Variants in BRINP3 observed in about 807,000 individuals in gnomAD.
The protein encoded by BRINP3 is BMP/retinoic acid-inducible neural-specific protein 3.
BRINP3 carries 19 observed loss-of-function variants against 71.0 expected under a neutral mutation model. That is an observed-to-expected ratio of 0.27 (90% CI 0.19 to 0.39). The LOEUF is 0.39. Ranked by LOEUF, BRINP3 falls within the 10% of genes least tolerant of loss-of-function variation. BRINP3 has a pLI of 1.00. For synonymous variants in BRINP3, 380 were observed against 337.7 expected, an observed-to-expected ratio of 1.13 and a Z score of -1.37; for missense variants, 959 against 940.8, an observed-to-expected ratio of 1.02 and a Z score of -0.25.
At chr1:190,131,548 C>A (rs1248369269) in intron 7 of BRINP3, among the ~76,000 whole-genome samples, 2 of 152,128 alleles carry the variant, frequency 1.3e-5, no homozygotes, top group East Asian at 3.9e-4. Flanking sequence ...CTCAATGTAT[C>A]TTTTATTTAT....
intron 2 of BRINP3, among the ~76,000 whole-genome samples, chr1:190,417,815 G>A (rs1297745510): frequency 2.0e-5 from 3 of 152,020 alleles, no homozygotes; most frequent in Non-Finnish European, 4.4e-5. Flanking sequence ...ATGATGAGAG[G>A]GAAGAAAGAA....
At chr1:190,264,110 A>G (rs1661436965) in intron 4 of BRINP3, among the ~76,000 whole-genome samples, 1 of 152,232 alleles carries the variant, frequency 6.6e-6, no homozygotes, top group Non-Finnish European at 1.5e-5. Flanking sequence ...AAATGAAATT[A>G]CATTGACCTA....
intron 2 of BRINP3, among the ~76,000 whole-genome samples, chr1:190,303,859 T>C (rs1306262594): frequency 6.6e-6 from 1 of 151,758 alleles, no homozygotes; most frequent in Non-Finnish European, 1.5e-5. Flanking sequence ...AATATTTTTA[T>C]TTTCCCCCTA....
intron 2 of BRINP3, among the ~76,000 whole-genome samples, chr1:190,358,680 A>G (rs1424105234): frequency 6.6e-6 from 1 of 152,184 alleles, no homozygotes; most frequent in African/African-American, 2.4e-5. Context: ...CCAAAGAATT[A>G]TAAATCATGC....
In BRINP3 at chr1:190,476,934, C is replaced by T. The variant is rs80129547; in HGVS notation, c.-51+514G>A. ...TGGCATTTTAGTGCTTAAGGTCTTG[C>T]TAAATTCATAAAAATACACTTTGCA... On this transcript the variant is annotated intron_variant, in intron 1 of 7. Transcript: ENST00000367462. 6.3e-4 allele frequency among the ~76,000 whole-genome samples: 96 copies of T among 152,316 alleles called. No individual in the cohort carries two copies. In the East Asian group the frequency reaches 0.011, roughly 17 times the overall value.
intron 2 of BRINP3, among the ~76,000 whole-genome samples, chr1:190,352,564 T>G (rs1312483984): frequency 6.6e-6 from 1 of 151,994 alleles, no homozygotes; most frequent in Non-Finnish European, 1.5e-5. Flanking sequence ...TTAATTGAAG[T>G]AAACATATCA....
intron 7 of BRINP3, among the ~76,000 whole-genome samples, chr1:190,139,228 G>A (rs1315566684): frequency 6.6e-6 from 1 of 151,540 alleles, no homozygotes; most frequent in Admixed American, 6.6e-5. Context: ...CGGGCAGATC[G>A]CTTGAGCCTA....
Position 190,444,089 on chromosome 1 carries a change from G to A in BRINP3, c.236+10566C>T, listed in dbSNP as rs186816573. Among the ~76,000 whole-genome samples, 658 of 150,516 alleles carry A rather than the reference G, an allele frequency of 4.4e-3. 8 individuals are homozygous for A. Among genetic ancestry groups the A allele is most frequent in the African/African-American group, 0.016 (628 of 40,138 alleles). ...CTCTACTAAAAGTACAAAATTAGCT[G>A]GGGGGTGGTGGCCCATGCCTGTAAT... On this transcript the variant is annotated intron_variant, in intron 2 of 7. Transcript: ENST00000367462.
chr1:190,385,989 C>A (rs1017683853), intron 2 of BRINP3, among the ~76,000 whole-genome samples: 1 of 146,692 alleles, frequency 6.8e-6, no homozygotes, highest in African/African-American at 2.5e-5. Flanking sequence ...GAACAAAAAA[C>A]CAAACACCGC....
intron 6 of BRINP3, among the ~76,000 whole-genome samples, chr1:190,218,198 A>G (rs1348447391): frequency 6.6e-6 from 1 of 151,948 alleles, no homozygotes; most frequent in Non-Finnish European, 1.5e-5. Flanking sequence ...CTCATCCATC[A>G]CATCAGCCCT....
chr1:190,387,946 T>C (rs183213187), intron 2 of BRINP3, among the ~76,000 whole-genome samples: 1 of 151,988 alleles, frequency 6.6e-6, no homozygotes. Flanking sequence ...ATTAAACTAT[T>C]GTGGTCAGAG....
chr1:190,446,199 T>C (rs1400025742), intron 2 of BRINP3, among the ~76,000 whole-genome samples: 2 of 152,094 alleles, frequency 1.3e-5, no homozygotes, highest in African/African-American at 4.8e-5. Flanking sequence ...AATTAAAACG[T>C]ATTATATGGT....
intron 3 of BRINP3, among the ~76,000 whole-genome samples, chr1:190,271,966 T>C (rs1249467152): frequency 6.6e-6 from 1 of 151,514 alleles, no homozygotes; most frequent in African/African-American, 2.4e-5. Flanking sequence ...TTTAGCATAG[T>C]CCTTATTGTA....
chr1:190,326,321 C>T lies in BRINP3; in HGVS notation c.237-44571G>A, dbSNP rs186648711. ...CCAAAGCAATGAATTATTGGCATTC[C>T]TGAGAGAGAAGGAGAAAAAGCATAT... On this transcript the variant is annotated intron_variant, in intron 2 of 7. Coordinates refer to ENST00000367462, the MANE Select transcript of BRINP3 (RefSeq NM_199051.3). Among the ~76,000 whole-genome samples the T allele has an allele frequency of 2.8e-3, 431 of 152,046 alleles. 2 individuals carry two copies. The highest frequency in any genetic ancestry group is 5.1e-3 in the Non-Finnish European group (349 of 67,954).
At chr1:190,150,847 C>T (rs1656327340) in intron 7 of BRINP3, among the ~76,000 whole-genome samples, 1 of 152,040 alleles carries the variant, frequency 6.6e-6, no homozygotes, top group South Asian at 2.1e-4. Context: ...TGGTGTCTAT[C>T]CCTGGCCACA....
chr1:190,365,383 G>A (rs181768153), intron 2 of BRINP3, among the ~76,000 whole-genome samples: 1 of 151,496 alleles, frequency 6.6e-6, no homozygotes, highest in Non-Finnish European at 1.5e-5. Flanking sequence ...AATCTGCTGG[G>A]TGCTAAACCT....
intron 2 of BRINP3, among the ~76,000 whole-genome samples, chr1:190,325,991 G>A (rs540896595): frequency 6.6e-6 from 1 of 151,974 alleles, no homozygotes; most frequent in Non-Finnish European, 1.5e-5. Flanking sequence ...AAATTGCAAG[G>A]AAGCTCAATG....
chr1:190,458,243 C>A (rs953611715), intron 1 of BRINP3, among the ~76,000 whole-genome samples: 1 of 151,930 alleles, frequency 6.6e-6, no homozygotes, highest in African/African-American at 2.4e-5. Context: ...CAATCTTACC[C>A]CAAATTAAGT....
rs189410751 is a variant in BRINP3, at chr1:190,210,953, C to T, written c.961+15129G>A. Among the ~76,000 whole-genome samples, 194 of 152,146 alleles carry T rather than the reference C, an allele frequency of 1.3e-3. 1 individual carries two copies. The highest frequency in any genetic ancestry group is 2.0e-3 in the Non-Finnish European group (139 of 67,978). On this transcript the variant is annotated intron_variant, in intron 6 of 7. Transcript: ENST00000367462. ...TCCTGTGCCGGGTGCTTTCTGCCCT[C>T]GAATATTAGACTCCAAGTTCTTCAG...
Sources: allele counts gnomAD v4.1 joint callset (sites outside exome capture counted in the v4.1 genomes callset), GRCh38; gene constraint gnomAD v4.1.1; transcripts MANE v1.5; gene names NCBI Gene and HGNC (gene_info 2026-07-23, HGNC 2026-07-21).